The following SEMA3E variants were observed in gnomAD, a reference collection of about 807,000 sequenced individuals.
SEMA3E encodes the protein semaphorin 3E.
A neutral mutation model predicts 93.6 loss-of-function variants in SEMA3E; 49 were observed. The observed-to-expected ratio is 0.52, with a 90% CI of 0.42 to 0.66. SEMA3E has a LOEUF of 0.66. Among genes scored for constraint, SEMA3E ranks in the 30% least tolerant of loss-of-function variants. The probability of loss-of-function intolerance (pLI) is 0.00; values close to 1 mark genes in which losing one functional copy is unlikely to be tolerated. For missense variants in SEMA3E, 906 were observed against 964.8 expected, an observed-to-expected ratio of 0.94 and a Z score of 0.81; for synonymous variants, 363 against 330.7, an observed-to-expected ratio of 1.10 and a Z score of -1.06.
At chr7:83,470,862 CTT>C (rs60392556) in intron 2 of SEMA3E, among the ~76,000 whole-genome samples, 14 of 139,936 alleles carry the variant, frequency 1.0e-4, no homozygotes, top group South Asian at 2.2e-4. Flanking sequence ...CCCACATTTT[CTT>C]TTTTTTTTTT....
At chr7:83,543,019 G>T (rs10429190) in intron 1 of SEMA3E, among the ~76,000 whole-genome samples, 33,522 of 151,958 alleles carry the variant, frequency 0.22, 3,882 homozygotes, top group East Asian at 0.39. Flanking sequence ...CTAGTCTTAA[G>T]GCTTTAGGGA....
chr7:83,469,951 AATTTT>A (rs1333515124), intron 2 of SEMA3E, among the ~76,000 whole-genome samples: 3 of 151,498 alleles, frequency 2.0e-5, no homozygotes, highest in Non-Finnish European at 2.9e-5. Context: ...CCACCCAGCT[AATTTT>A]TTTGTATTTT....
chr7:83,521,012 C>T (rs756361097), intron 1 of SEMA3E, among the ~76,000 whole-genome samples: 25 of 152,026 alleles, frequency 1.6e-4, no homozygotes, highest in Non-Finnish European at 3.4e-4. Context: ...TGCAGTGTGC[C>T]TGTAAATAGA....
At chr7:83,549,171 C>T (rs1791710790) in intron 1 of SEMA3E, among the ~76,000 whole-genome samples, 1 of 152,096 alleles carries the variant, frequency 6.6e-6, no homozygotes, top group Admixed American at 6.6e-5. Context: ...TATATGGAAA[C>T]ATTCATATCA....
chr7:83,379,200 A>G (rs992482281), intron 16 of SEMA3E, among the ~76,000 whole-genome samples: 18 of 151,540 alleles, frequency 1.2e-4, no homozygotes, highest in African/African-American at 4.1e-4. Context: ...AGTGAGTACA[A>G]TTGGATATAT....
chr7:83,521,498 C>A (rs1791048756), intron 1 of SEMA3E, among the ~76,000 whole-genome samples: 1 of 152,132 alleles, frequency 6.6e-6, no homozygotes, highest in Non-Finnish European at 1.5e-5. Flanking sequence ...AGAAAATAAA[C>A]CATGTTTAAA....
At chr7:83,442,089 T>C (rs1205065387) in intron 4 of SEMA3E, among the ~76,000 whole-genome samples, 1 of 152,236 alleles carries the variant, frequency 6.6e-6, no homozygotes, top group East Asian at 1.9e-4. Flanking sequence ...CTGTAATTAA[T>C]GATTTTTTCA....
rs573523060 is a variant in SEMA3E at position 83,368,027 on chromosome 7, A to T, written c.1887T>A (p.Asp629Glu). 71 of 1,613,972 alleles carry T rather than the reference A, an allele frequency of 4.4e-5. 1 individual carries two copies. In the South Asian group the frequency reaches 7.7e-4, roughly 17 times the overall value. ...CAAGGTCCATCTTAACCACTCTGTC[A>T]TCTGTCTTCACCTGCAAAAACAAAA... is the stretch of plus-strand genomic sequence containing the variant. ...RETRKEEVKT[D>E]DRVVKMDLGL... The change falls in exon 17 of 17, where the codon GAT becomes GAA. Residue 629 changes from aspartate to glutamate, a missense_variant. Coordinates refer to ENST00000643230, the MANE Select transcript of SEMA3E (RefSeq NM_012431.3).
At chr7:83,584,076 T>A (rs572932742) in intron 1 of SEMA3E, among the ~76,000 whole-genome samples, 1 of 152,328 alleles carries the variant, frequency 6.6e-6, no homozygotes, top group South Asian at 2.1e-4. Context: ...GGTAGTGTTT[T>A]ATTATTTGCA....
intron 1 of SEMA3E, among the ~76,000 whole-genome samples, chr7:83,573,806 T>C (rs1032071852): frequency 5.3e-5 from 8 of 151,958 alleles, no homozygotes; most frequent in Non-Finnish European, 8.8e-5. Flanking sequence ...ATATATCAGA[T>C]ACTATACTCT....
chr7:83,471,041 A>G (rs1185029987), intron 2 of SEMA3E, among the ~76,000 whole-genome samples: 1 of 151,974 alleles, frequency 6.6e-6, no homozygotes, highest in East Asian at 1.9e-4. Context: ...ATACATCATT[A>G]GTTCTGTTAA....
chr7:83,449,004 T>C (rs963815777), intron 4 of SEMA3E, among the ~76,000 whole-genome samples: 1 of 152,120 alleles, frequency 6.6e-6, no homozygotes, highest in African/African-American at 2.4e-5. Context: ...AGTACTTAAT[T>C]TACTACTGGC....
intron 1 of SEMA3E, among the ~76,000 whole-genome samples, chr7:83,599,569 T>C (rs542121562): frequency 3.3e-4 from 51 of 152,358 alleles, no homozygotes; most frequent in African/African-American, 1.2e-3. Flanking sequence ...TGAATAGTTA[T>C]ACTCAAGATG....
At chr7:83,616,844 C>A in intron 1 of SEMA3E, 1 of 353,456 alleles carries the variant, frequency 2.8e-6, no homozygotes, top group South Asian at 2.2e-5. Flanking sequence ...CCTGCCTCAG[C>A]CTCCTGAGTA....
chr7:83,602,776 TA>T (rs1243017341), intron 1 of SEMA3E, among the ~76,000 whole-genome samples: 2 of 152,134 alleles, frequency 1.3e-5, no homozygotes, highest in Non-Finnish European at 2.9e-5. Context: ...GCGCCCAGCC[TA>T]GAAGCACTCT....
chr7:83,432,699 G>A (rs554623138), intron 4 of SEMA3E, among the ~76,000 whole-genome samples: 1 of 152,226 alleles, frequency 6.6e-6, no homozygotes, highest in African/African-American at 2.4e-5. Context: ...TGATTTTGAA[G>A]ATTAATTTAG....
At chr7:83,640,736 C>T (rs1793991902) in intron 1 of SEMA3E, among the ~76,000 whole-genome samples, 1 of 152,014 alleles carries the variant, frequency 6.6e-6, no homozygotes, top group Non-Finnish European at 1.5e-5. Flanking sequence ...TGTTTTCTTT[C>T]CCCTTTTGGC....
intron 1 of SEMA3E, among the ~76,000 whole-genome samples, chr7:83,592,947 GT>G (rs1222888469): frequency 6.9e-6 from 1 of 144,882 alleles, no homozygotes; most frequent in East Asian, 2.0e-4. Flanking sequence ...GAAAGACTTT[GT>G]TTAATAAACA....
chr7:83,632,050 G>A (rs1793795683), intron 1 of SEMA3E, among the ~76,000 whole-genome samples: 1 of 151,890 alleles, frequency 6.6e-6, no homozygotes, highest in African/African-American at 2.4e-5. Flanking sequence ...GGCTAGTCAG[G>A]AGGTTGAGGC....
Sources: gnomAD v4.1 joint callset for allele counts (sites outside exome capture counted in the v4.1 genomes callset) on GRCh38, gnomAD v4.1.1 for gene constraint, MANE v1.5 for transcripts, NCBI Gene and HGNC (gene_info 2026-07-23, HGNC 2026-07-21) for gene names.